SPDYE2: variants seen among roughly 807,000 people sequenced by gnomAD.
SPDYE2 encodes speedy/RINGO cell cycle regulator family member E2.
For synonymous variants in SPDYE2, 2 were observed against 45.1 expected, an observed-to-expected ratio of 0.04 and a Z score of 3.83; for missense variants, 1 against 121.0, an observed-to-expected ratio of 0.01 and a Z score of 4.65.
At chr7:102,563,662 A>C (rs1264683293), downstream of SPDYE2, 53 of 24,988 alleles carry the variant, frequency 2.1e-3, no homozygotes, top group Non-Finnish European at 4.3e-3. Flanking sequence ...GTAGAAAAAA[A>C]CATAAGGCTG....
chr7:102,555,271 A>C (rs1800752374), intron 3 of SPDYE2, among the ~76,000 whole-genome samples: 16 of 127,520 alleles, frequency 1.3e-4, no homozygotes, highest in East Asian at 9.5e-4. Flanking sequence ...GAAGGAAGGA[A>C]GGGCCCAGAA....
chr7:102,557,353 G>T (rs766968585), intron 5 of SPDYE2, 131 bp downstream of exon 5: 7,233 of 350,244 alleles, frequency 0.021, 30 homozygotes, highest in East Asian at 0.061. Flanking sequence ...TTTTTTTTTT[G>T]TGTGTGTGTG....
At chr7:102,563,733 G>A (rs1800959620), downstream of SPDYE2, 1 of 39,552 alleles carries the variant, frequency 2.5e-5, no homozygotes. Flanking sequence ...AGGATCACCT[G>A]AGGCCAGGAG....
chr7:102,564,422 CAAAAAAAAAA>C (rs1224346476), downstream of SPDYE2: 6 of 103,596 alleles, frequency 5.8e-5, no homozygotes, highest in African/African-American at 1.6e-4. Context: ...CACCCCCTCT[CAAAAAAAAAA>C]AAAAAAAAAA....
At chr7:102,564,819 G>A (rs1276370883), downstream of SPDYE2, 3 of 148,730 alleles carry the variant, frequency 2.0e-5, no homozygotes, top group African/African-American at 7.3e-5. Flanking sequence ...AGCCTCCCGA[G>A]TAGCTGGGAC....
At chr7:102,557,377 G>C (rs1257912687) in intron 5 of SPDYE2, among the ~76,000 whole-genome samples, 155 bp downstream of exon 5, 1 of 135,278 alleles carries the variant, frequency 7.4e-6, no homozygotes, top group African/African-American at 2.9e-5. Context: ...GTGTGTGTGT[G>C]TGTGAGACAG....
At chr7:102,557,336 C>T (rs1470893550) in intron 5 of SPDYE2, 114 bp downstream of exon 5, 104 of 702,808 alleles carry the variant, frequency 1.5e-4, no homozygotes, top group East Asian at 4.0e-4. Context: ...CTCCTACAGT[C>T]TTTTTTTTTT....
intron 3 of SPDYE2, among the ~76,000 whole-genome samples, chr7:102,555,624 C>A (rs1586813150): frequency 1.4e-5 from 1 of 69,176 alleles, no homozygotes; most frequent in Non-Finnish European, 3.1e-5. Context: ...ACAACAACAA[C>A]AACAACAACA....
exon 9 of SPDYE2, chr7:102,562,831 TAGA>T (rs1364060162): frequency 1.6e-5 from 2 of 126,610 alleles, no homozygotes; most frequent in Non-Finnish European, 1.7e-5. Flanking sequence ...ATTCTGGTGA[TAGA>T]AATTTTTATT....
At chr7:102,564,623 C>T (rs1328909081), downstream of SPDYE2, 2 of 151,430 alleles carry the variant, frequency 1.3e-5, no homozygotes, top group South Asian at 4.2e-4. Flanking sequence ...TCTTACCTTG[C>T]CTTTCAAATT....
At chr7:102,555,307 T>G (rs1447366488) in intron 3 of SPDYE2, among the ~76,000 whole-genome samples, 3 of 107,556 alleles carry the variant, frequency 2.8e-5, no homozygotes, top group African/African-American at 1.1e-4. Context: ...ATGAGGAGGG[T>G]GTGTGGGAAG....
exon 9 of SPDYE2, chr7:102,563,113 G>C (rs1280446713): frequency 6.8e-6 from 1 of 148,102 alleles, no homozygotes; most frequent in African/African-American, 2.4e-5. Flanking sequence ...CTATAAAGCT[G>C]TGTGATGGAT....
exon 9 of SPDYE2, chr7:102,563,196 C>CTT (rs1800943786): frequency 7.1e-6 from 1 of 140,074 alleles, no homozygotes; most frequent in African/African-American, 2.6e-5. Context: ...CATCCTAAAT[C>CTT]TTTTACCTTT....
rs373219681 is a variant in SPDYE2 at position 102,553,658 on chromosome 7, A to G, written c.160+243A>G. Among the ~76,000 whole-genome samples the G allele has an allele frequency of 6.5e-3, 321 of 49,388 alleles. 43 individuals are homozygous for G. The highest frequency in any genetic ancestry group is 0.012 in the African/African-American group (296 of 25,696). The allele number at this position is 49,388 out of a possible 152,430, so 32.4% of individuals were successfully genotyped here. ...TAATCCCAGCTACTCAGGAGGCTGA[A>G]ACAGGAGAATCACTTGAGACTGGGA... On this transcript the variant is annotated intron_variant, in intron 2 of 8. Transcript: ENST00000507918.
downstream of SPDYE2, chr7:102,564,713 A>G: frequency 1.3e-5 from 2 of 155,854 alleles, no homozygotes; most frequent in Non-Finnish European, 2.8e-5. Flanking sequence ...TTTGGGGGGG[A>G]TGGAGTCTCG....
intron 5 of SPDYE2, among the ~76,000 whole-genome samples, 158 bp downstream of exon 5, chr7:102,557,380 TGA>T (rs1317414826): frequency 3.0e-5 from 4 of 133,940 alleles, no homozygotes; most frequent in Non-Finnish European, 3.1e-5. Context: ...TGTGTGTGTG[TGA>T]GACAGAGTCT....
intron 2 of SPDYE2, among the ~76,000 whole-genome samples, chr7:102,553,724 C>A (rs1252145143): frequency 4.9e-4 from 13 of 26,496 alleles, no homozygotes; most frequent in South Asian, 2.2e-3. Flanking sequence ...TACTGCACTC[C>A]AAAAAAAGAA....
At chr7:102,557,441 C>T (rs1387769200) in intron 5 of SPDYE2, among the ~76,000 whole-genome samples, 8 of 132,696 alleles carry the variant, frequency 6.0e-5, no homozygotes, top group African/African-American at 1.7e-4. Context: ...TGACTCACTG[C>T]AGCCGATGCG....
At chr7:102,562,966 G>A (rs1663919305) in exon 9 of SPDYE2, 1 of 146,452 alleles carries the variant, frequency 6.8e-6, no homozygotes, top group African/African-American at 2.5e-5. Context: ...TGAAAAACAT[G>A]GGTATAGAAT....
Sources: gnomAD v4.1 joint callset for allele counts (sites outside exome capture counted in the v4.1 genomes callset) on GRCh38, gnomAD v4.1.1 for gene constraint, MANE v1.5 for transcripts, NCBI Gene and HGNC (gene_info 2026-07-23, HGNC 2026-07-21) for gene names.